FHOD3: variants seen among roughly 807,000 people sequenced by gnomAD.
FHOD3 encodes FH1/FH2 domain-containing protein 3.
In FHOD3, 90 loss-of-function variants were observed where a neutral mutation model predicts 173.0. The ratio of observed to expected loss-of-function variants is 0.52; its 90% CI spans 0.44 to 0.62. The LOEUF (loss-of-function observed/expected upper bound fraction) is 0.62, where lower values mean the gene tolerates loss of function less well. Ranked by LOEUF, FHOD3 falls within the 20% of genes least tolerant of loss-of-function variation. The pLI, the probability that FHOD3 is intolerant of heterozygous loss-of-function variation, is 0.00. For synonymous variants in FHOD3, 828 were observed against 823.0 expected (o/e 1.01, Z -0.10); for missense variants, 1,945 against 2,034.7 (o/e 0.96, Z 0.85).
At chr18:36,370,368 T>A (rs2047122336) in intron 2 of FHOD3, among the ~76,000 whole-genome samples, 1 of 151,948 alleles carries the variant, frequency 6.6e-6, no homozygotes, top group African/African-American at 2.4e-5. Context: ...TCCATTAGGG[T>A]TTAGCTTAAC....
Position 36,501,961 on chromosome 18 carries a change from T to C in FHOD3, c.367T>C (p.Leu123=), listed in dbSNP as rs2059136039. ...EKLYNSSGRD[L]RRALFSLKQI... ...ACTATACAACTCCAGCGGACGAGAT[T>C]TGAGAAGGGCCCTCTTCTCCCTGAA... Residue 123 remains leucine, a synonymous_variant, in exon 4 of 29, where the codon TTG becomes CTG. Transcript: ENST00000590592. The C allele has an allele frequency of 6.2e-7, 1 of 1,607,304 alleles. No individual in the cohort carries two copies. The highest frequency in any genetic ancestry group is 1.7e-4 in the Middle Eastern group (1 of 6,052).
Position 36,325,489 on chromosome 18 carries a change from T to C in FHOD3, c.165+27489T>C, listed in dbSNP as rs576048579. ...TGGCAGGTTTATCCTTATCCCTGAG[T>C]GCAGCGAGTGCTTTAGCACTGTGGT... On this transcript the variant is annotated intron_variant, in intron 1 of 28. Coordinates refer to ENST00000590592, the MANE Select transcript of FHOD3 (RefSeq NM_001281740.3). Among the ~76,000 whole-genome samples, 8 of 152,296 alleles carry C rather than the reference T, an allele frequency of 5.3e-5. No individual in the cohort carries two copies. In the South Asian group the frequency reaches 1.5e-3, roughly 28 times the overall value.
chr18:36,449,156 T>C (rs7243111), intron 3 of FHOD3, among the ~76,000 whole-genome samples: 26,407 of 151,986 alleles, frequency 0.17, 2,947 homozygotes, highest in East Asian at 0.29. Flanking sequence ...ATGGAGCTAT[T>C]TGGGGGCACT....
chr18:36,577,838 G>A lies in FHOD3; in HGVS notation c.606+1293G>A, dbSNP rs150448185. Among the ~76,000 whole-genome samples, 923 of 152,350 alleles carry A rather than the reference G, an allele frequency of 6.1e-3. 9 individuals carry two copies. The highest frequency in any genetic ancestry group is 0.022 in the African/African-American group (894 of 41,580). On this transcript the variant is annotated intron_variant, in intron 6 of 28. Transcript: ENST00000590592. ...TTCCGTCACTTCAGGTGCGCCGAAA[G>A]CTGGGCAAGCCTCTGGCATAGTCTT...
At position 36,747,231 on chromosome 18, in the gene FHOD3, T is replaced by A. The variant is rs778477444; in HGVS notation, c.4232+96T>A. 8.1e-6 allele frequency: 8 copies of A among 983,138 alleles called. No individual in the cohort carries two copies. The African/African-American group carries it at 1.2e-4, about 14-fold the overall frequency. 60.9% of individuals were successfully genotyped at this position (983,138 alleles called of 1,614,324 possible). On this transcript the variant is annotated intron_variant, in intron 24 of 28. Transcript: ENST00000590592. ...GAGCCGATGGTTAAATTTACAGATT[T>A]TTTGTACATTCTTGGTACATAGCAA...
chr18:36,769,392 G>A lies in FHOD3; in HGVS notation c.4752G>A (p.Arg1584=), dbSNP rs763786969. 35 of 1,614,176 alleles carry A rather than the reference G, an allele frequency of 2.2e-5. No homozygotes were observed. In the Middle Eastern group the frequency reaches 8.2e-4, roughly 38 times the overall value. ...TQVPSQRVVP[R]ERKRSRANRK... Reference sequence around the variant, plus strand: ...TGCCCAGTCAGCGAGTGGTGCCGAGGGAGAGGAAACGATCCCGGGCCAACC... The same window carrying A: ...TGCCCAGTCAGCGAGTGGTGCCGAGAGAGAGGAAACGATCCCGGGCCAACC... The change falls in exon 28 of 29, where the codon AGG becomes AGA. Residue 1584 remains arginine, a synonymous_variant. Coordinates refer to ENST00000590592, the MANE Select transcript of FHOD3 (RefSeq NM_001281740.3).
intron 19 of FHOD3, among the ~76,000 whole-genome samples, chr18:36,720,236 CT>C (rs35295640): frequency 1.5e-3 from 174 of 119,152 alleles, no homozygotes; most frequent in East Asian, 4.0e-3. Flanking sequence ...CGTTCCAATT[CT>C]TTTTTTTTTT....
intron 1 of FHOD3, among the ~76,000 whole-genome samples, chr18:36,314,713 C>T (rs2044034755): frequency 6.6e-6 from 1 of 152,240 alleles, no homozygotes; most frequent in Non-Finnish European, 1.5e-5. Context: ...GCATCTTATA[C>T]TTTCAATGCG....
intron 5 of FHOD3, among the ~76,000 whole-genome samples, chr18:36,524,046 C>T (rs1248028942): frequency 1.3e-5 from 2 of 152,042 alleles, no homozygotes; most frequent in Admixed American, 6.6e-5. Flanking sequence ...TTTGGGAGGC[C>T]GATGGCTGGC....
Position 36,612,057 on chromosome 18 carries a change from A to C in FHOD3, c.919A>C (p.Thr307Pro). 17 of 1,614,152 alleles carry C rather than the reference A, an allele frequency of 1.1e-5. No individual in the cohort carries two copies. Among genetic ancestry groups the C allele is most frequent in the Non-Finnish European group, 1.4e-5 (17 of 1,180,028 alleles). The change falls in exon 9 of 29, where the codon ACT becomes CCT. Residue 307 changes from threonine to proline, a missense_variant. Physicochemically the swap from Thr to Pro is conservative, Grantham distance 38. Transcript: ENST00000590592. ...VSQRHLNKKGTDLDLVEQLNI... is the reference protein window; with the variant it reads ...VSQRHLNKKGPDLDLVEQLNI... ...CCAGAGGCACTTGAACAAGAAAGGG[A>C]CTGACCTGGACTTAGTGGAGCAACT... is the stretch of plus-strand genomic sequence containing the variant.
At chr18:36,575,407 G>A (rs771215952) in intron 5 of FHOD3, among the ~76,000 whole-genome samples, 1 of 152,130 alleles carries the variant, frequency 6.6e-6, no homozygotes, top group Non-Finnish European at 1.5e-5. Context: ...CATGTAGAAT[G>A]TTTCCTACAA....
In FHOD3 at chr18:36,625,743, G is replaced by A. The variant is rs141344928; in HGVS notation, c.1190G>A (p.Arg397His). ...AAGCCCAACCAAGTGCGAGATCTGC[G>A]TGAAAAGTAAGCATTAACTTGGCAG... ...SFKPNQVRDLREKEEEEEEEQ... is the reference protein window; with the variant it reads ...SFKPNQVRDLHEKEEEEEEEQ... The change falls in exon 10 of 29, where the codon CGT becomes CAT. Residue 397 changes from arginine (R) to histidine (H), a missense_variant. Transcript: ENST00000590592. 2.4e-5 allele frequency: 39 copies of A among 1,604,048 alleles called. No individual in the cohort carries two copies. The highest frequency in any genetic ancestry group is 7.8e-5 in the South Asian group (7 of 90,090).
chr18:36,517,648 G>A (rs1276122109), intron 5 of FHOD3, among the ~76,000 whole-genome samples: 2 of 152,110 alleles, frequency 1.3e-5, no homozygotes, highest in African/African-American at 2.4e-5. Flanking sequence ...ATCATAAAAC[G>A]CCTCAGTCGG....
chr18:36,491,569 T>G (rs2054474575), intron 3 of FHOD3, among the ~76,000 whole-genome samples: 2 of 152,212 alleles, frequency 1.3e-5, no homozygotes, highest in South Asian at 4.1e-4. Flanking sequence ...CATTTGTTCA[T>G]CCTTCCCTCC....
chr18:36,323,578 T>G (rs530170117), intron 1 of FHOD3, among the ~76,000 whole-genome samples: 5 of 152,268 alleles, frequency 3.3e-5, no homozygotes, highest in Admixed American at 2.6e-4. Flanking sequence ...CAGATTACCT[T>G]TCAGTTCTTA....
chr18:36,562,449 T>G (rs1418528211), intron 5 of FHOD3, among the ~76,000 whole-genome samples: 3 of 152,256 alleles, frequency 2.0e-5, no homozygotes, highest in Non-Finnish European at 2.9e-5. Context: ...TTGCATGATA[T>G]GATTTAAAAA....
Position 36,612,039 on chromosome 18 carries a change from C to A in FHOD3, c.901C>A (p.His301Asn). 6.2e-7 allele frequency: 1 copy of A among 1,614,160 alleles called. No individual in the cohort carries two copies. Among genetic ancestry groups the A allele is most frequent in the East Asian group, 2.2e-5 (1 of 44,874 alleles). ...ELGIAAVSQR[H>N]LNKKGTDLDL... Reference sequence around the variant, plus strand: ...GGGCATTGCTGCTGTGTCCCAGAGGCACTTGAACAAGAAAGGGACTGACCT... The same window carrying A: ...GGGCATTGCTGCTGTGTCCCAGAGGAACTTGAACAAGAAAGGGACTGACCT... The change falls in exon 9 of 29, where the codon CAC becomes AAC. Residue 301 changes from histidine to asparagine, a missense_variant. His to Asn is a moderately conservative substitution (Grantham distance 68). Around this residue, in one of 5 missense-constraint regions of FHOD3, gnomAD observed 1,099 missense variants for 1,051.2 expected, o/e 1.05. Coordinates refer to ENST00000590592, the MANE Select transcript of FHOD3 (RefSeq NM_001281740.3).
At chr18:36,447,392 G>T (rs1422662591) in intron 3 of FHOD3, among the ~76,000 whole-genome samples, 1 of 152,222 alleles carries the variant, frequency 6.6e-6, no homozygotes, top group African/African-American at 2.4e-5. Flanking sequence ...CATGACGTGT[G>T]ATTGGGCCCT....
intron 3 of FHOD3, among the ~76,000 whole-genome samples, chr18:36,469,717 T>C (rs139208274): frequency 6.6e-6 from 1 of 152,142 alleles, no homozygotes; most frequent in East Asian, 1.9e-4. Flanking sequence ...TGGATCTCAA[T>C]GTGAAACCAG....
Sources: gnomAD v4.1 joint callset for allele counts (sites outside exome capture counted in the v4.1 genomes callset) on GRCh38, gnomAD v4.1.1 for gene constraint, gnomAD v4.1.1 regional missense constraint, MANE v1.5 for transcripts, NCBI Gene and HGNC (gene_info 2026-07-23, HGNC 2026-07-21) for gene names.